Variants in MYO9A observed in about 807,000 individuals in gnomAD.
MYO9A encodes unconventional myosin-IXa.
In MYO9A, 103 loss-of-function variants were observed where a neutral mutation model predicts 293.3. That is an observed-to-expected ratio of 0.35 (90% CI 0.30 to 0.41). MYO9A has a LOEUF of 0.41. MYO9A is among the 10% of genes least tolerant of loss of function. The pLI, the probability that MYO9A is intolerant of heterozygous loss-of-function variation, is 1.00. For synonymous variants in MYO9A, 1,001 were observed against 1,035.7 expected, an observed-to-expected ratio of 0.97 and a Z score of 0.64; for missense variants, 2,685 against 3,033.0, an observed-to-expected ratio of 0.89 and a Z score of 2.69.
intron 29 of MYO9A, 152 bp from the exon 30 acceptor site, chr15:71,879,989 A>C (rs2056823758): frequency 1.6e-6 from 1 of 615,124 alleles, no homozygotes; most frequent in Non-Finnish European, 2.9e-6. Context: ...ATGACTAGAC[A>C]GTCAAACTAT....
chr15:71,934,831 G>T (rs2058589870), intron 17 of MYO9A, among the ~76,000 whole-genome samples: 1 of 109,732 alleles, frequency 9.1e-6, no homozygotes, highest in East Asian at 3.0e-4. Context: ...GGGTCTCTAT[G>T]AAGCATGGTA....
intron 9 of MYO9A, 148 bp from the exon 10 acceptor site, chr15:71,994,733 G>A (rs921283998): frequency 7.3e-6 from 4 of 545,072 alleles, no homozygotes; most frequent in African/African-American, 2.0e-5. Flanking sequence ...TATAACTAAA[G>A]TTTTTTGTTT....
At chr15:71,960,370 A>ATG (rs1555492072) in intron 13 of MYO9A, 2 of 274,690 alleles carry the variant, frequency 7.3e-6, no homozygotes. Flanking sequence ...CTACTTCTCC[A>ATG]TCTCGTTCCC....
rs572283872 is a variant in MYO9A at position 71,935,074 on chromosome 15, T to C, written c.2522+267A>G. The C allele has an allele frequency of 1.5e-4, 41 of 281,766 alleles. No homozygotes were observed. In the South Asian group the frequency reaches 4.4e-3, roughly 30 times the overall value. The allele number at this position is 281,766 out of a possible 1,614,324, so 17.5% of individuals were successfully genotyped here. On this transcript the variant is annotated intron_variant, in intron 17 of 41. Transcript: ENST00000356056. ...AGGGCCTGTCTAAACAATAAGACCT[T>C]TATTATCATCTCCATAACAAATATA...
intron 14 of MYO9A, among the ~76,000 whole-genome samples, chr15:71,954,501 C>G (rs1018845107): frequency 6.6e-6 from 1 of 152,230 alleles, no homozygotes; most frequent in Non-Finnish European, 1.5e-5. Flanking sequence ...CCGCACCCAG[C>G]CTACTCATCA....
intron 19 of MYO9A, among the ~76,000 whole-genome samples, chr15:71,908,353 C>T (rs1445973661): frequency 6.6e-6 from 1 of 152,056 alleles, no homozygotes; most frequent in Admixed American, 6.6e-5. Flanking sequence ...TTAGTAGAGA[C>T]GAGGTTTCAC....
chr15:72,022,293 G>A (rs1198545170), intron 4 of MYO9A, among the ~76,000 whole-genome samples: 2 of 152,110 alleles, frequency 1.3e-5, no homozygotes, highest in South Asian at 2.1e-4. Flanking sequence ...AGGCTGAGGT[G>A]GGTGGATCAC....
intron 1 of MYO9A, among the ~76,000 whole-genome samples, chr15:72,109,227 A>G (rs2080687901): frequency 6.6e-6 from 1 of 151,884 alleles, no homozygotes; most frequent in Non-Finnish European, 1.5e-5. Flanking sequence ...CACCTCTACT[A>G]AAAATATAAA....
rs2080040360 is a variant in MYO9A, at chr15:72,095,702, C to T, written c.-72+21978G>A. On this transcript the variant is annotated intron_variant, in intron 1 of 41. Transcript: ENST00000356056. The stretch of plus-strand genomic sequence containing the variant: ...AGCCTCAAAGAACAGGCTGCCTCTC[C>T]TGCTAGGGGCTAAGGCAGCTAATGA... Among the ~76,000 whole-genome samples, 2 of 92,690 alleles carry T rather than the reference C, an allele frequency of 2.2e-5. 1 individual carries two copies. The highest frequency in any genetic ancestry group is 6.5e-5 in the Non-Finnish European group (2 of 30,640). 60.8% of individuals were successfully genotyped at this position (92,690 alleles called of 152,430 possible).
In MYO9A at chr15:72,053,229, G is replaced by A. The variant is rs150646593; in HGVS notation, c.-71-6595C>T. Among the ~76,000 whole-genome samples, 12 of 151,904 alleles carry A rather than the reference G, an allele frequency of 7.9e-5. 1 individual carries two copies. Among genetic ancestry groups the A allele is most frequent in the African/African-American group, 2.9e-4 (12 of 41,444 alleles). ...AGCCTGGCCAACATGGTGAAACCCT[G>A]TCCCTATTAAAAGTACAAAAAAAAA... On this transcript the variant is annotated intron_variant, in intron 1 of 41. Transcript: ENST00000356056.
intron 2 of MYO9A, chr15:72,041,268 T>C (rs781675713): frequency 5.9e-5 from 60 of 1,020,222 alleles, no homozygotes; most frequent in East Asian, 1.5e-4. Context: ...TTCACCTGCG[T>C]TGTATTTTCC....
intron 2 of MYO9A, among the ~76,000 whole-genome samples, chr15:72,035,306 T>C (rs2078009491): frequency 6.6e-6 from 1 of 152,180 alleles, no homozygotes; most frequent in African/African-American, 2.4e-5. Context: ...AATTTATATA[T>C]ACATACACAT....
rs139572486 is a variant in MYO9A at position 71,934,460 on chromosome 15, T to C, written c.2523-751A>G. On this transcript the variant is annotated intron_variant, in intron 17 of 41. Transcript: ENST00000356056. The stretch of plus-strand genomic sequence containing the variant: ...TGGGCTAGAGCAAGACCTACATAAA[T>C]AGAACCTACTAATATTATTAAGCAG... Among the ~76,000 whole-genome samples, 5 of 152,270 alleles carry C rather than the reference T, an allele frequency of 3.3e-5. No homozygotes were observed. In the East Asian group the frequency reaches 9.6e-4, roughly 29 times the overall value.
intron 6 of MYO9A, 23 bp from the exon 7 acceptor site, chr15:72,010,470 T>G: frequency 6.3e-7 from 1 of 1,582,382 alleles, no homozygotes; most frequent in South Asian, 1.1e-5. Flanking sequence ...AATAAAAGTT[T>G]AAAAATCAAG....
At chr15:71,856,713 T>C (rs562788039) in intron 34 of MYO9A, among the ~76,000 whole-genome samples, 46 of 152,340 alleles carry the variant, frequency 3.0e-4, no homozygotes, top group African/African-American at 1.1e-3. Flanking sequence ...AGAGTATTAA[T>C]TTCATGTCTA....
intron 41 of MYO9A, 87 bp downstream of exon 41, chr15:71,827,797 T>C: frequency 7.1e-7 from 1 of 1,407,496 alleles, no homozygotes; most frequent in South Asian, 1.4e-5. Flanking sequence ...GTCAGTAAAT[T>C]CTTAAAAGAC....
intron 2 of MYO9A, among the ~76,000 whole-genome samples, chr15:72,038,493 G>T (rs902940465): frequency 5.3e-5 from 8 of 152,174 alleles, no homozygotes; most frequent in Non-Finnish European, 1.2e-4. Context: ...AAGAACAGGG[G>T]ACAGAATCTC....
chr15:72,101,259 C>G (rs2080301846), intron 1 of MYO9A, among the ~76,000 whole-genome samples: 2 of 133,458 alleles, frequency 1.5e-5, no homozygotes, highest in Admixed American at 7.2e-5. Flanking sequence ...GTCAGCCCCC[C>G]GCCCGGCCAG....
intron 27 of MYO9A, among the ~76,000 whole-genome samples, chr15:71,885,888 CTGAGA>C (rs967551192): frequency 1.3e-5 from 2 of 151,998 alleles, no homozygotes; most frequent in Admixed American, 1.3e-4. Context: ...GCTCAACATT[CTGAGA>C]TATGTCCTCA....
Sources: gnomAD v4.1 joint callset for allele counts (sites outside exome capture counted in the v4.1 genomes callset) on GRCh38, gnomAD v4.1.1 for gene constraint, MANE v1.5 for transcripts, NCBI Gene and HGNC (gene_info 2026-07-23, HGNC 2026-07-21) for gene names.